The following CNTN5 variants were observed in gnomAD, a reference collection of about 807,000 sequenced individuals.
CNTN5 encodes contactin-5.
A neutral mutation model predicts 129.1 loss-of-function variants in CNTN5; 77 were observed. That is an observed-to-expected ratio of 0.60 (90% CI 0.50 to 0.72). The LOEUF is 0.72. CNTN5 is among the 30% of genes least tolerant of loss of function. The pLI, the probability that CNTN5 is intolerant of heterozygous loss-of-function variation, is 0.00. For missense variants in CNTN5, 1,478 were observed against 1,328.8 expected (o/e 1.11, Z -1.75); for synonymous variants, 509 against 465.6 (o/e 1.09, Z -1.20).
chr11:99,643,153 C>A (rs147358496), intron 3 of CNTN5, among the ~76,000 whole-genome samples: 149 of 152,180 alleles, frequency 9.8e-4, no homozygotes, highest in Non-Finnish European at 1.5e-3. Context: ...CTTAGAAATA[C>A]TCCTATGGGA....
chr11:100,067,356 ATTTG>A (rs751726412), intron 10 of CNTN5, among the ~76,000 whole-genome samples: 1 of 151,812 alleles, frequency 6.6e-6, no homozygotes, highest in Admixed American at 6.6e-5. Context: ...TTGTGTATGT[ATTTG>A]TTTGGACTTG....
At chr11:99,030,135 C>T (rs554673469) in intron 1 of CNTN5, among the ~76,000 whole-genome samples, 2 of 152,192 alleles carry the variant, frequency 1.3e-5, no homozygotes, top group East Asian at 1.9e-4. Context: ...AACACCATAA[C>T]CTTTCTATGT....
intron 8 of CNTN5, among the ~76,000 whole-genome samples, chr11:99,958,158 T>G (rs565014058): frequency 1.3e-5 from 2 of 152,128 alleles, no homozygotes; most frequent in Non-Finnish European, 2.9e-5. Flanking sequence ...GAAAAAAGAA[T>G]GCTGACTTGG....
intron 1 of CNTN5, among the ~76,000 whole-genome samples, chr11:99,201,022 CTTTTTTT>C (rs755605041): frequency 2.6e-4 from 22 of 83,172 alleles, no homozygotes; most frequent in African/African-American, 8.2e-4. Flanking sequence ...TCCTTCCTTC[CTTTTTTT>C]TTTTTTTTTT....
chr11:99,203,751 G>A (rs1279603149), intron 1 of CNTN5, among the ~76,000 whole-genome samples: 1 of 151,866 alleles, frequency 6.6e-6, no homozygotes, highest in African/African-American at 2.4e-5. Context: ...GCATGTGCCA[G>A]CACGTCCGGC....
At chr11:100,001,216 G>A (rs1939853626) in intron 8 of CNTN5, among the ~76,000 whole-genome samples, 1 of 152,170 alleles carries the variant, frequency 6.6e-6, no homozygotes, top group Admixed American at 6.5e-5. Context: ...GGAAGGAGAA[G>A]GAGAAGCAAG....
chr11:100,204,332 ATATATATATAT>A (rs574551371), intron 15 of CNTN5, among the ~76,000 whole-genome samples: 1,148 of 112,958 alleles, frequency 0.01, 50 homozygotes, highest in African/African-American at 0.036. Context: ...ATATATATAT[ATATATATATAT>A]AATTATAGGC....
At chr11:99,855,017 A>G (rs1947989929) in intron 6 of CNTN5, among the ~76,000 whole-genome samples, 1 of 152,148 alleles carries the variant, frequency 6.6e-6, no homozygotes. Context: ...ACTCTCAAAA[A>G]AGACCTTTGG....
intron 2 of CNTN5, among the ~76,000 whole-genome samples, chr11:99,340,880 T>C (rs1591545006): frequency 6.6e-6 from 1 of 152,216 alleles, no homozygotes; most frequent in East Asian, 1.9e-4. Context: ...TTGATTTTCT[T>C]AGAAATTATA....
intron 13 of CNTN5, among the ~76,000 whole-genome samples, chr11:100,099,268 T>G (rs1409831508): frequency 6.6e-6 from 1 of 151,896 alleles, no homozygotes; most frequent in Non-Finnish European, 1.5e-5. Flanking sequence ...TGCCCAGGAT[T>G]ATGTCAGTTT....
chr11:99,410,051 A>G (rs1263261190), intron 2 of CNTN5, among the ~76,000 whole-genome samples: 1 of 152,212 alleles, frequency 6.6e-6, no homozygotes, highest in East Asian at 1.9e-4. Flanking sequence ...GGGATATGAT[A>G]ATTAATATCA....
In CNTN5 at chr11:99,117,792, G is replaced by A. The variant is rs187895119; in HGVS notation, c.-210+96522G>A. ...CTGCCATGTGAGGGCACAGTGAGAA[G>A]ACAGCCATCTTCTCCAGACTTCTTC... On this transcript the variant is annotated intron_variant, in intron 1 of 24. Transcript: ENST00000524871. Among the ~76,000 whole-genome samples, 46 of 152,260 alleles carry A rather than the reference G, an allele frequency of 3.0e-4. No homozygotes were observed. The East Asian group carries it at 6.4e-3, about 21-fold the overall frequency.
intron 8 of CNTN5, among the ~76,000 whole-genome samples, chr11:99,972,085 T>TAAAAAAAA (rs71050038): frequency 5.4e-5 from 5 of 92,206 alleles, no homozygotes; most frequent in East Asian, 7.4e-4. Context: ...TTATCTCTAT[T>TAAAAAAAA]AAAAAAAAAA....
chr11:99,474,893 G>C (rs1945311344), intron 2 of CNTN5, among the ~76,000 whole-genome samples: 2 of 152,136 alleles, frequency 1.3e-5, no homozygotes, highest in African/African-American at 2.4e-5. Flanking sequence ...ATTATTTCTA[G>C]TAGTTTTTTC....
At chr11:100,247,946 C>T (rs1299359394) in intron 16 of CNTN5, among the ~76,000 whole-genome samples, 1 of 152,086 alleles carries the variant, frequency 6.6e-6, no homozygotes, top group Non-Finnish European at 1.5e-5. Context: ...ATTTATCTCT[C>T]TGCATTAATC....
chr11:100,076,388 A>T (rs1020468018), intron 13 of CNTN5, among the ~76,000 whole-genome samples: 1 of 152,152 alleles, frequency 6.6e-6, no homozygotes, highest in Non-Finnish European at 1.5e-5. Context: ...GAGTTTAAAA[A>T]ATTAGGGTGG....
At chr11:99,459,960 A>G (rs1410136026) in intron 2 of CNTN5, among the ~76,000 whole-genome samples, 1 of 151,974 alleles carries the variant, frequency 6.6e-6, no homozygotes, top group African/African-American at 2.4e-5. Flanking sequence ...TACTAGACAC[A>G]TGGAAATTAG....
intron 12 of CNTN5, among the ~76,000 whole-genome samples, chr11:100,072,759 A>T (rs1317332498): frequency 6.6e-6 from 1 of 152,094 alleles, no homozygotes; most frequent in Non-Finnish European, 1.5e-5. Flanking sequence ...AAATTTCTCC[A>T]CATTACAACA....
intron 1 of CNTN5, among the ~76,000 whole-genome samples, chr11:99,201,383 TTTCC>T (rs1177606857): frequency 3.8e-5 from 1 of 26,052 alleles, no homozygotes; most frequent in African/African-American, 2.0e-4. Context: ...TCCTTCCTTC[TTTCC>T]TTCCTTCCTT....
Sources: gnomAD v4.1 joint callset for allele counts (sites outside exome capture counted in the v4.1 genomes callset) on GRCh38, gnomAD v4.1.1 for gene constraint, MANE v1.5 for transcripts, NCBI Gene and HGNC (gene_info 2026-07-23, HGNC 2026-07-21) for gene names.